USP42: variants seen among roughly 807,000 people sequenced by gnomAD.
The protein encoded by USP42 is ubiquitin carboxyl-terminal hydrolase 42.
A neutral mutation model predicts 113.0 loss-of-function variants in USP42; 23 were observed. The ratio of observed to expected loss-of-function variants is 0.20; its 90% CI spans 0.15 to 0.29. The LOEUF (loss-of-function observed/expected upper bound fraction) is 0.29, where lower values mean the gene tolerates loss of function less well. Ranked by LOEUF, USP42 falls within the 10% of genes least tolerant of loss-of-function variation. The pLI is 1.00. For missense variants in USP42, 2,174 were observed against 1,779.8 expected, an observed-to-expected ratio of 1.22 and a Z score of -3.99; for synonymous variants, 933 against 699.0, an observed-to-expected ratio of 1.33 and a Z score of -5.28.
chr7:6,142,603 C>T (rs1781494455), intron 7 of USP42, among the ~76,000 whole-genome samples: 1 of 152,106 alleles, frequency 6.6e-6, no homozygotes, highest in Admixed American at 6.6e-5. Context: ...AGGGGCACGG[C>T]TGGGCATGAC....
intron 3 of USP42, among the ~76,000 whole-genome samples, chr7:6,125,468 C>T (rs1780486286): frequency 6.6e-6 from 1 of 152,138 alleles, no homozygotes. Flanking sequence ...CCAGCCTAGG[C>T]AACAAGAGCG....
chr7:6,107,144 A>G (rs548488471), intron 1 of USP42, among the ~76,000 whole-genome samples: 2 of 152,314 alleles, frequency 1.3e-5, no homozygotes, highest in Admixed American at 1.3e-4. Flanking sequence ...TGGTTTTTCC[A>G]CAGTTACAAT....
chr7:6,122,493 C>G (rs952919333), intron 3 of USP42, among the ~76,000 whole-genome samples: 1 of 151,878 alleles, frequency 6.6e-6, no homozygotes, highest in Non-Finnish European at 1.5e-5. Flanking sequence ...TGTTTTGAGA[C>G]AGAGTCTTGC....
chr7:6,155,939 T>G (rs56270961), intron 15 of USP42, among the ~76,000 whole-genome samples: 14,408 of 152,194 alleles, frequency 0.095, 848 homozygotes, highest in Non-Finnish European at 0.13. Context: ...TTTATTTTTG[T>G]AAAGACAGGA....
rs1782491864 is a variant in USP42 at position 6,156,992 on chromosome 7, A to G, written c.3880A>G (p.Lys1294Glu). 1 of 1,613,722 alleles carries G rather than the reference A, an allele frequency of 6.2e-7. No homozygotes were observed. The highest frequency in any genetic ancestry group is 1.1e-5 in the South Asian group (1 of 91,006). Residue 1294 changes from lysine to glutamate, a missense_variant, in exon 16 of 18, where the codon AAA becomes GAA. Physicochemically the swap from Lys to Glu is moderately conservative, Grantham distance 56. Coordinates refer to ENST00000306177, the MANE Select transcript of USP42 (RefSeq NM_032172.3). ...PLEGVGPFRE[K>E]TKHLRMESRD... is the part of the protein sequence containing the mutation. ...GGAAGGCGTCGGACCTTTCCGTGAG[A>G]AAACGAAACACTTACGGATGGAAAG...
chr7:6,096,662 A>C, the USP42 span, among the ~76,000 whole-genome samples: 6 of 151,398 alleles, frequency 4.0e-5, no homozygotes, highest in Non-Finnish European at 8.8e-5. Flanking sequence ...GCACAAGTTG[A>C]TTAATCCCTG....
intron 1 of USP42, among the ~76,000 whole-genome samples, chr7:6,107,431 C>T (rs1183821318): frequency 7.7e-6 from 1 of 130,388 alleles, no homozygotes; most frequent in Non-Finnish European, 1.6e-5. Flanking sequence ...TTTTTTGAGA[C>T]GGAGTTTCAC....
At chr7:6,121,707 C>G (rs1282982699) in intron 3 of USP42, among the ~76,000 whole-genome samples, 1 of 152,128 alleles carries the variant, frequency 6.6e-6, no homozygotes, top group African/African-American at 2.4e-5. Context: ...CTCTTTTGCC[C>G]AGGCTGGAGT....
In USP42 at chr7:6,150,157, C is replaced by T. The variant is rs772927145; in HGVS notation, c.1961C>T (p.Pro654Leu). ...GCCACTCCGCACGAGCTTCAAGAAC[C>T]CATGACCCTAAACGGTGCTAATAGT... ...EEATPHELQE[P>L]MTLNGANSAD... The change falls in exon 13 of 18, where the codon CCC (proline) becomes CTC (leucine). Residue 654 changes from proline (P) to leucine (L), a missense_variant. Coordinates refer to ENST00000306177, the MANE Select transcript of USP42 (RefSeq NM_032172.3). 1 of 1,613,858 alleles carries T rather than the reference C, an allele frequency of 6.2e-7. No individual in the cohort carries two copies.
At chr7:6,147,579 T>C (rs992534516) in intron 11 of USP42, among the ~76,000 whole-genome samples, 160 bp from the exon 12 acceptor site, 1 of 152,250 alleles carries the variant, frequency 6.6e-6, no homozygotes, top group Non-Finnish European at 1.5e-5. Context: ...GACATTAGCC[T>C]GAAGGAGGGG....
intron 3 of USP42, among the ~76,000 whole-genome samples, chr7:6,119,346 C>T (rs892058658): frequency 1.3e-5 from 2 of 152,124 alleles, no homozygotes; most frequent in Non-Finnish European, 2.9e-5. Context: ...TGGCGGCAAG[C>T]GCTAGTCCTG....
upstream of USP42, among the ~76,000 whole-genome samples, chr7:6,104,227 C>A (rs557405369): frequency 6.6e-6 from 1 of 151,288 alleles, no homozygotes; most frequent in Non-Finnish European, 1.5e-5. Context: ...GGACTACAGG[C>A]GCGCGCCACC....
intron 3 of USP42, among the ~76,000 whole-genome samples, chr7:6,121,849 C>T (rs185191637): frequency 4.6e-5 from 7 of 152,138 alleles, no homozygotes; most frequent in East Asian, 1.9e-4. Context: ...TTTGTAGAGA[C>T]GAGGTCTCAC....
At chr7:6,111,910 G>A (rs1392738351) in intron 2 of USP42, 2 of 152,726 alleles carry the variant, frequency 1.3e-5, no homozygotes, top group Non-Finnish European at 2.9e-5. Flanking sequence ...ACCACGCCAG[G>A]CCCTTTTATT....
chr7:6,110,015 G>A (rs1583573327), intron 1 of USP42, among the ~76,000 whole-genome samples: 3 of 151,434 alleles, frequency 2.0e-5, no homozygotes, highest in South Asian at 2.1e-4. Context: ...TTTGTTTTTC[G>A]TAGAGACAGG....
chr7:6,105,598 C>T (rs921960465), intron 1 of USP42, among the ~76,000 whole-genome samples: 4 of 152,162 alleles, frequency 2.6e-5, no homozygotes, highest in African/African-American at 7.2e-5. Flanking sequence ...CCTCCCCAGG[C>T]CTAGCCACCT....
Position 6,154,165 on chromosome 7 carries a change from C to T in USP42, c.2611C>T (p.Leu871Phe), listed in dbSNP as rs776038053. Residue 871 changes from leucine (L) to phenylalanine (F), a missense_variant, in exon 15 of 18, where the codon CTC becomes TTC. Leu to Phe is a conservative substitution (Grantham distance 22, BLOSUM62 0). Coordinates refer to ENST00000306177, the MANE Select transcript of USP42 (RefSeq NM_032172.3). ...GTCGGAGGAGCCCTGCGAGCAGCCA[C>T]TCCTTGTTCACCCCAGCGGGGACCA... ...ARSEEPCEQP[L>F]LVHPSGDHAR... is the part of the protein sequence containing the mutation. 3.1e-6 allele frequency: 5 copies of T among 1,595,988 alleles called. No homozygotes were observed. The highest frequency in any genetic ancestry group is 1.1e-5 in the South Asian group (1 of 90,480).
At chr7:6,103,760 A>AAC (rs1790218745), upstream of USP42, among the ~76,000 whole-genome samples, 1 of 147,612 alleles carries the variant, frequency 6.8e-6, no homozygotes. Flanking sequence ...AAAAAACAAA[A>AAC]CTTAAAAAAT....
chr7:6,132,192 C>T (rs1469374428), intron 3 of USP42, among the ~76,000 whole-genome samples: 1 of 152,160 alleles, frequency 6.6e-6, no homozygotes, highest in Non-Finnish European at 1.5e-5. Flanking sequence ...TCCCAAAGTG[C>T]TGAGATTACA....
Sources: gnomAD v4.1 joint callset for allele counts (sites outside exome capture counted in the v4.1 genomes callset) on GRCh38, gnomAD v4.1.1 for gene constraint, MANE v1.5 for transcripts, NCBI Gene and HGNC (gene_info 2026-07-23, HGNC 2026-07-21) for gene names.